The following C7orf57 variants were observed in gnomAD, a reference collection of about 807,000 sequenced individuals.
C7orf57 encodes uncharacterized protein C7orf57.
A neutral mutation model predicts 39.0 loss-of-function variants in C7orf57; 33 were observed. That is an observed-to-expected ratio of 0.85 (90% CI 0.64 to 1.13). C7orf57 has a LOEUF of 1.13. C7orf57 is among the 50% of genes most tolerant of loss of function. C7orf57 has a pLI of 0.00. For missense variants in C7orf57, 346 were observed against 362.3 expected, an observed-to-expected ratio of 0.95 and a Z score of 0.37; for synonymous variants, 124 against 137.1, an observed-to-expected ratio of 0.90 and a Z score of 0.67.
chr7:48,041,399 A>G lies in C7orf57; in HGVS notation c.121A>G (p.Ile41Val). The part of the protein sequence containing the change: ...KAVDAPPASQ[I>V]PGLSNLGDSH... ...CGTGGATGCCCCACCAGCGTCCCAG[A>G]TCCCAGGTCTCAGCAATTTGGGAGA... Residue 41 changes from isoleucine to valine, a missense_variant, in exon 3 of 9, where the codon ATC becomes GTC. Physicochemically the swap from Ile to Val is conservative, Grantham distance 29 (BLOSUM62 3). Coordinates refer to ENST00000348904, the MANE Select transcript of C7orf57 (RefSeq NM_001100159.3). 7 of 1,613,984 alleles carry G rather than the reference A, an allele frequency of 4.3e-6. No homozygotes were observed. The highest frequency in any genetic ancestry group is 1.1e-5 in the South Asian group (1 of 91,066).
chr7:48,038,095 C>A (rs984307159), intron 2 of C7orf57, among the ~76,000 whole-genome samples: 3 of 152,128 alleles, frequency 2.0e-5, no homozygotes, highest in African/African-American at 7.2e-5. Context: ...ATCTTTTGTG[C>A]AATTCTTTAA....
chr7:48,044,681 G>A (rs952894296), intron 4 of C7orf57, among the ~76,000 whole-genome samples: 2 of 152,022 alleles, frequency 1.3e-5, no homozygotes, highest in African/African-American at 2.4e-5. Context: ...TATCCCAAAG[G>A]GTTCTCATTA....
intron 8 of C7orf57, among the ~76,000 whole-genome samples, chr7:48,058,273 T>C (rs781250177): frequency 1.1e-4 from 17 of 152,192 alleles, no homozygotes; most frequent in Admixed American, 2.6e-4. Context: ...AGGGTTAGTA[T>C]GATTTCTTCC....
In C7orf57 at chr7:48,054,504, G is replaced by A. The variant is rs558716559; in HGVS notation, c.830-91G>A. On this transcript the variant is annotated intron_variant, in intron 7 of 8. Coordinates refer to ENST00000348904, the MANE Select transcript of C7orf57 (RefSeq NM_001100159.3). ...ACTTATTGTTGTTTTAAGTAATACA[G>A]AATTTTCATTAAATCTTTAAGTAAT... 18 of 1,062,410 alleles carry A rather than the reference G, an allele frequency of 1.7e-5. No individual in the cohort carries two copies. In the Admixed American group the frequency reaches 2.6e-4, roughly 15 times the overall value. The allele number at this position is 1,062,410 out of a possible 1,614,324, so 65.8% of individuals were successfully genotyped here. A position where few individuals can be genotyped will look rare whatever the true frequency, so the allele number is the denominator to read the frequency against.
At chr7:48,039,755 GC>G (rs1790490660) in intron 2 of C7orf57, among the ~76,000 whole-genome samples, 1 of 148,738 alleles carries the variant, frequency 6.7e-6, no homozygotes, top group Middle Eastern at 3.2e-3. Context: ...TGAACATACT[GC>G]CCCTGTGACA....
intron 4 of C7orf57, among the ~76,000 whole-genome samples, chr7:48,045,710 G>A (rs988065440): frequency 6.6e-6 from 1 of 152,162 alleles, no homozygotes; most frequent in Non-Finnish European, 1.5e-5. Flanking sequence ...TTGTGTTGCC[G>A]TGTCAAACTT....
chr7:48,047,167 T>C (rs1337662465), intron 5 of C7orf57, among the ~76,000 whole-genome samples: 1 of 152,154 alleles, frequency 6.6e-6, no homozygotes, highest in Non-Finnish European at 1.5e-5. Context: ...GCTCTGTTGT[T>C]GGGAAGTCTT....
chr7:48,057,539 A>G (rs1465042756), intron 8 of C7orf57, among the ~76,000 whole-genome samples: 2 of 152,074 alleles, frequency 1.3e-5, no homozygotes, highest in African/African-American at 4.8e-5. Flanking sequence ...AGGGCTTTCT[A>G]TATATAAGAT....
rs142301868 is a variant in C7orf57 at position 48,052,660 on chromosome 7, C to A, written c.606-40C>A. ...ATACTGCTTCTGCTTTATCATTAAC[C>A]CTTGTACTTAAGTTTCACATTACTT... On this transcript the variant is annotated intron_variant, in intron 6 of 8. Transcript: ENST00000348904. 9.9e-3 allele frequency: 15,327 copies of A among 1,544,604 alleles called. 124 individuals are homozygous for A. Among genetic ancestry groups the A allele is most frequent in the South Asian group, 0.018 (1,612 of 88,330 alleles).
At chr7:48,041,290 C>G (rs758581366) in intron 2 of C7orf57, 44 bp from the exon 3 acceptor site, 3 of 1,556,086 alleles carry the variant, frequency 1.9e-6, no homozygotes, top group South Asian at 1.2e-5. Flanking sequence ...GAGGCCACCC[C>G]GACACACAGC....
intron 4 of C7orf57, among the ~76,000 whole-genome samples, chr7:48,045,306 A>G (rs1790681557): frequency 1.3e-5 from 2 of 152,068 alleles, no homozygotes; most frequent in African/African-American, 4.8e-5. Context: ...GTTGTTTTCA[A>G]TGCTCATCTG....
At chr7:48,048,567 A>T (rs531996986) in intron 5 of C7orf57, among the ~76,000 whole-genome samples, 7 of 152,216 alleles carry the variant, frequency 4.6e-5, no homozygotes, top group African/African-American at 7.2e-5. Context: ...GTTTTCCCAT[A>T]GCATGTATTT....
intron 2 of C7orf57, among the ~76,000 whole-genome samples, chr7:48,038,059 A>G (rs768525690): frequency 1.3e-4 from 20 of 152,212 alleles, no homozygotes; most frequent in Non-Finnish European, 2.1e-4. Flanking sequence ...AAATTCTCTT[A>G]TTCATTCTTA....
At chr7:48,054,044 G>A (rs182522074) in intron 7 of C7orf57, among the ~76,000 whole-genome samples, 1 of 152,288 alleles carries the variant, frequency 6.6e-6, no homozygotes, top group East Asian at 1.9e-4. Flanking sequence ...AACAAGATCT[G>A]CCACTTATTG....
intron 7 of C7orf57, among the ~76,000 whole-genome samples, chr7:48,053,358 AT>A (rs1430811486): frequency 1.5e-4 from 23 of 152,182 alleles, no homozygotes; most frequent in Non-Finnish European, 2.6e-4. Context: ...TTACTCCATT[AT>A]TGGCATGTCT....
In C7orf57 at chr7:48,060,304, TTAAATGGC is replaced by T; in HGVS notation, c.*38_*45del. On this transcript the variant is annotated 3_prime_UTR_variant, in exon 9 of 9. Coordinates refer to ENST00000348904, the MANE Select transcript of C7orf57 (RefSeq NM_001100159.3). ...ATGCAATATGTATTTAGGATAATTT[TTAAATGGC>T]TAAATATGACATGACTGTATTATAG... The T allele has an allele frequency of 7.1e-7, 1 of 1,404,510 alleles. No individual in the cohort carries two copies. The highest frequency in any genetic ancestry group is 1.4e-5 in the South Asian group (1 of 72,796). The allele number at this position is 1,404,510 out of a possible 1,614,324, so 87.0% of individuals were successfully genotyped here.
chr7:48,046,522 AT>A lies in C7orf57; in HGVS notation c.414del (p.Asn138LysfsTer15), dbSNP rs1790717870. 1.2e-6 allele frequency: 2 copies of A among 1,613,836 alleles called. No individual in the cohort carries two copies. The highest frequency in any genetic ancestry group is 2.2e-5 in the South Asian group (2 of 91,066). On this transcript the variant is annotated frameshift_variant, in exon 5 of 9. Transcript: ENST00000348904. LOFTEE classifies it high-confidence loss of function. ...GAAGAATTTAACCCCGATCAAGCCAATGGTAGCTATGCATCCAGAAGAGGGC... is the reference window on the plus strand; with the variant it reads ...GAAGAATTTAACCCCGATCAAGCCAAGGTAGCTATGCATCCAGAAGAGGGC... ...VHEEFNPDQA[N>X]GSYASRRGPF...
intron 4 of C7orf57, among the ~76,000 whole-genome samples, chr7:48,044,936 A>T (rs987715496): frequency 4.6e-5 from 7 of 152,198 alleles, no homozygotes; most frequent in Non-Finnish European, 1.0e-4. Flanking sequence ...TATATTTCCA[A>T]GTGGTTATCC....
chr7:48,051,828 T>TC (rs1790930618), intron 6 of C7orf57, among the ~76,000 whole-genome samples: 6 of 49,048 alleles, frequency 1.2e-4, no homozygotes, highest in Admixed American at 1.1e-3. Flanking sequence ...TCTTTCTTTC[T>TC]TTCTTTCTTT....
Sources: allele counts gnomAD v4.1 joint callset (sites outside exome capture counted in the v4.1 genomes callset), GRCh38; gene constraint gnomAD v4.1.1; transcripts MANE v1.5; gene names NCBI Gene and HGNC (gene_info 2026-07-23, HGNC 2026-07-21).